ARID5B: variants seen among roughly 807,000 people sequenced by gnomAD.
The protein encoded by ARID5B is AT-rich interaction domain 5B.
In ARID5B, 13 loss-of-function variants were observed where a neutral mutation model predicts 97.2. That is an observed-to-expected ratio of 0.13 (90% confidence interval 0.09 to 0.21). ARID5B has a LOEUF of 0.21. ARID5B is among the 10% of genes least tolerant of loss of function. The pLI, the probability that ARID5B is intolerant of heterozygous loss-of-function variation, is 1.00. For synonymous variants in ARID5B, 556 were observed against 570.3 expected, an observed-to-expected ratio of 0.97 and a Z score of 0.36; for missense variants, 1,210 against 1,465.3, an observed-to-expected ratio of 0.83 and a Z score of 2.84.
At chr10:62,076,451 AGAATCACGGGAT>A (rs1188941095) in intron 8 of ARID5B, among the ~76,000 whole-genome samples, 8 of 151,536 alleles carry the variant, frequency 5.3e-5, no homozygotes, top group Middle Eastern at 3.4e-3. Flanking sequence ...CTGAGGCACG[AGAATCACGGGAT>A]GAATCACGGG....
chr10:61,991,367 CT>C (rs1232331681), intron 3 of ARID5B, among the ~76,000 whole-genome samples: 1 of 152,054 alleles, frequency 6.6e-6, no homozygotes, highest in African/African-American at 2.4e-5. Context: ...GGATTTTTTT[CT>C]TTTCATTTTT....
At chr10:61,931,441 G>C (rs953656064) in intron 2 of ARID5B, among the ~76,000 whole-genome samples, 1 of 152,042 alleles carries the variant, frequency 6.6e-6, no homozygotes, top group African/African-American at 2.4e-5. Context: ...TATGACCTGG[G>C]ATAGGCAAAG....
chr10:61,946,443 C>T (rs954052294), intron 3 of ARID5B, among the ~76,000 whole-genome samples: 17 of 152,226 alleles, frequency 1.1e-4, no homozygotes, highest in African/African-American at 3.9e-4. Flanking sequence ...ATCCTTCCTT[C>T]CTTTCTAGAT....
intron 2 of ARID5B, among the ~76,000 whole-genome samples, chr10:61,906,222 A>T (rs1843705580): frequency 6.7e-6 from 1 of 148,952 alleles, no homozygotes; most frequent in African/African-American, 2.5e-5. Flanking sequence ...TATAAACAAT[A>T]AAAAAAAAAC....
chr10:61,932,352 C>T (rs1169932622), intron 2 of ARID5B, among the ~76,000 whole-genome samples: 2 of 151,392 alleles, frequency 1.3e-5, no homozygotes, highest in Non-Finnish European at 2.9e-5. Context: ...TGATCAGGGT[C>T]GTGGTTGCTG....
At position 62,095,032 on chromosome 10, in the gene ARID5B, C is replaced by A. The variant is rs1056449042; in HGVS notation, c.*2002C>A. Reference sequence around the variant, plus strand: ...CATACTTAATATCCAAAGGTGGAAACAAAAGAATGTAGAGATCCAGTGTTA... The same window carrying A: ...CATACTTAATATCCAAAGGTGGAAAAAAAAGAATGTAGAGATCCAGTGTTA... On this transcript the variant is annotated 3_prime_UTR_variant, in exon 10 of 10. Transcript: ENST00000279873. The A allele has an allele frequency of 8.7e-6, 2 of 229,876 alleles. No homozygotes were observed. Among genetic ancestry groups the A allele is most frequent in the South Asian group, 1.8e-4 (1 of 5,462 alleles). The allele number at this position is 229,876 out of a possible 1,614,324, so 14.2% of individuals were successfully genotyped here.
At chr10:61,946,537 A>G (rs1441819624) in intron 3 of ARID5B, among the ~76,000 whole-genome samples, 2 of 152,210 alleles carry the variant, frequency 1.3e-5, no homozygotes, top group Admixed American at 6.5e-5. Context: ...TTTTCTTAAC[A>G]CTGCAACTTG....
At chr10:61,977,668 G>A (rs1458705018) in intron 3 of ARID5B, among the ~76,000 whole-genome samples, 1 of 152,170 alleles carries the variant, frequency 6.6e-6, no homozygotes, top group East Asian at 1.9e-4. Context: ...TTTGAGAAGT[G>A]TCTGTTCATA....
chr10:61,909,198 C>A (rs1200451829), intron 2 of ARID5B, among the ~76,000 whole-genome samples: 1 of 151,774 alleles, frequency 6.6e-6, no homozygotes, highest in African/African-American at 2.4e-5. Context: ...TATCTGTGTT[C>A]TTTTCCTTTA....
rs2132991723 is a variant in ARID5B, at chr10:62,094,666, C to T, written c.*1636C>T. On this transcript the variant is annotated 3_prime_UTR_variant, in exon 10 of 10. Transcript: ENST00000279873. Reference sequence around the variant, plus strand: ...CCGAGATATAACATTAAGGTGGACACATTTTCTAACTGTATTAATTAAAAG... The same window carrying T: ...CCGAGATATAACATTAAGGTGGACATATTTTCTAACTGTATTAATTAAAAG... 1 of 231,098 alleles carries T rather than the reference C, an allele frequency of 4.3e-6. No individual in the cohort carries two copies. Among genetic ancestry groups the T allele is most frequent in the East Asian group, 6.1e-5 (1 of 16,328 alleles). 14.3% of individuals were successfully genotyped at this position (231,098 alleles called of 1,614,324 possible).
intron 3 of ARID5B, among the ~76,000 whole-genome samples, chr10:61,972,653 C>A (rs918358977): frequency 9.2e-5 from 14 of 152,156 alleles, no homozygotes; most frequent in African/African-American, 3.4e-4. Flanking sequence ...ATCTGACTAT[C>A]CCCCTATTGC....
intron 9 of ARID5B, among the ~76,000 whole-genome samples, chr10:62,088,075 C>T (rs1343069818): frequency 6.6e-6 from 1 of 152,116 alleles, no homozygotes; most frequent in African/African-American, 2.4e-5. Context: ...CCATGTTGGT[C>T]AGGCTGGTCT....
intron 3 of ARID5B, among the ~76,000 whole-genome samples, chr10:61,989,127 C>T (rs1290818962): frequency 1.3e-5 from 2 of 151,732 alleles, no homozygotes; most frequent in Non-Finnish European, 2.9e-5. Context: ...GACGGGGTTT[C>T]GCTGTATTAG....
intron 5 of ARID5B, among the ~76,000 whole-genome samples, chr10:62,051,820 T>C (rs546966957): frequency 6.6e-6 from 1 of 152,176 alleles, no homozygotes; most frequent in Non-Finnish European, 1.5e-5. Context: ...AGGATTTTAG[T>C]TGACGAACAG....
At chr10:61,949,242 TA>T (rs1838286231) in intron 3 of ARID5B, among the ~76,000 whole-genome samples, 1 of 152,372 alleles carries the variant, frequency 6.6e-6, no homozygotes, top group South Asian at 2.1e-4. Flanking sequence ...TGTGATAGTT[TA>T]ATCATGTTGT....
At chr10:61,957,643 A>T (rs914536146) in intron 3 of ARID5B, among the ~76,000 whole-genome samples, 1 of 152,252 alleles carries the variant, frequency 6.6e-6, no homozygotes, top group Non-Finnish European at 1.5e-5. Flanking sequence ...CACTGGATTT[A>T]AAAAACTTAG....
rs148020579 is a variant in ARID5B at position 62,055,288 on chromosome 10, C to T, written c.847-1829C>T. Among the ~76,000 whole-genome samples the T allele has an allele frequency of 7.2e-4, 109 of 152,230 alleles. 1 individual carries two copies. The East Asian group carries it at 0.019, about 27-fold the overall frequency. On this transcript the variant is annotated intron_variant, in intron 5 of 9. Coordinates refer to ENST00000279873, the MANE Select transcript of ARID5B (RefSeq NM_032199.3). ...CTGCCTGGGCTTAAATTCCAGATTC[C>T]CCACTTACTAACTAGGGCATGATCT...
At chr10:62,006,465 A>C (rs71507202) in intron 4 of ARID5B, among the ~76,000 whole-genome samples, 1 of 152,102 alleles carries the variant, frequency 6.6e-6, no homozygotes, top group African/African-American at 2.4e-5. Flanking sequence ...AAACAACAAC[A>C]ACAAAATAAT....
intron 8 of ARID5B, among the ~76,000 whole-genome samples, chr10:62,081,406 G>A (rs1589289625): frequency 6.6e-6 from 1 of 152,272 alleles, no homozygotes; most frequent in Non-Finnish European, 1.5e-5. Context: ...TAAATATTTT[G>A]GCCCAAAAGT....
Sources: gnomAD v4.1 joint callset for allele counts (sites outside exome capture counted in the v4.1 genomes callset) on GRCh38, gnomAD v4.1.1 for gene constraint, MANE v1.5 for transcripts, NCBI Gene and HGNC (gene_info 2026-07-23, HGNC 2026-07-21) for gene names.